The following FAM13A variants were observed in gnomAD, a reference collection of about 807,000 sequenced individuals.
FAM13A encodes the protein protein FAM13A.
FAM13A carries 76 observed loss-of-function variants against 129.6 expected under a neutral mutation model. The ratio of observed to expected loss-of-function variants is 0.59; its 90% CI spans 0.49 to 0.71. FAM13A has a LOEUF of 0.71. Among genes scored for constraint, FAM13A ranks in the 30% least tolerant of loss-of-function variants. The pLI, the probability that FAM13A is intolerant of heterozygous loss-of-function variation, is 0.00. For synonymous variants in FAM13A, 443 were observed against 449.9 expected, an observed-to-expected ratio of 0.98 and a Z score of 0.20; for missense variants, 1,108 against 1,249.3, an observed-to-expected ratio of 0.89 and a Z score of 1.70.
chr4:88,898,125 T>C (rs1170378362), intron 6 of FAM13A, among the ~76,000 whole-genome samples: 9 of 152,172 alleles, frequency 5.9e-5, no homozygotes, highest in East Asian at 1.9e-4. Flanking sequence ...ATGAGAGTAA[T>C]AGAATCACTT....
chr4:89,015,979 CAT>C (rs1356429382), intron 3 of FAM13A, among the ~76,000 whole-genome samples: 5 of 151,780 alleles, frequency 3.3e-5, no homozygotes, highest in Non-Finnish European at 7.4e-5. Flanking sequence ...TACATATACA[CAT>C]GTGTATGTTA....
rs568188366 is a variant in FAM13A at position 88,981,590 on chromosome 4, C to CAGAT, written c.605+9382_605+9383insATCT. ...TGCCTTAGAGCAGATCCTCAAGAAACCCAAAGAAAACAAGGCAATGATGAG... is the reference window on the plus strand; with the variant it reads ...TGCCTTAGAGCAGATCCTCAAGAAACAGATCCAAAGAAAACAAGGCAATGATGAG... On this transcript the variant is annotated intron_variant, in intron 4 of 23. Transcript: ENST00000264344. 4.3e-3 allele frequency among the ~76,000 whole-genome samples: 662 copies of CAGAT among 152,200 alleles called. 9 individuals are homozygous for CAGAT. Among genetic ancestry groups the CAGAT allele is most frequent in the African/African-American group, 0.015 (632 of 41,516 alleles).
intron 6 of FAM13A, chr4:88,856,078 G>C (rs1418493633): frequency 6.6e-6 from 1 of 152,158 alleles, no homozygotes; most frequent in Non-Finnish European, 1.5e-5. Flanking sequence ...AGACAGTATT[G>C]TTAGTAAGTA....
chr4:88,755,910 C>T (rs1320691623), intron 14 of FAM13A, among the ~76,000 whole-genome samples: 2 of 152,218 alleles, frequency 1.3e-5, no homozygotes, highest in Non-Finnish European at 2.9e-5. Context: ...CAGCCGGAGT[C>T]CCTTAAGTAG....
intron 5 of FAM13A, among the ~76,000 whole-genome samples, chr4:88,928,596 T>C (rs1164280042): frequency 6.6e-6 from 1 of 152,172 alleles, no homozygotes; most frequent in Non-Finnish European, 1.5e-5. Context: ...AAGTTTGTTT[T>C]ATCTGATATA....
At position 88,906,388 on chromosome 4, in the gene FAM13A, T is replaced by C. The variant is rs368586718; in HGVS notation, c.834A>G (p.Pro278=). ...AGAAAACATAGTTTACCTTGGTTTT[T>C]GGAGGTGGTTTTGGCATGTCTCTTT... The part of the protein sequence containing the change: ...GLERDMPKPP[P]KTKIPKSRSE... Residue 278 remains proline (P), a synonymous_variant, in exon 6 of 24, where the codon CCA becomes CCG. Transcript: ENST00000264344. The C allele has an allele frequency of 8.1e-6, 13 of 1,609,918 alleles. No individual in the cohort carries two copies. In the South Asian group the frequency reaches 1.4e-4, roughly 18 times the overall value.
intron 3 of FAM13A, among the ~76,000 whole-genome samples, chr4:88,999,715 C>T (rs1437478810): frequency 1.3e-5 from 2 of 152,082 alleles, no homozygotes; most frequent in Non-Finnish European, 2.9e-5. Flanking sequence ...TCTTACCCCT[C>T]CTTTCTCCCC....
At chr4:88,824,886 T>G (rs1041994630) in intron 7 of FAM13A, among the ~76,000 whole-genome samples, 5 of 151,982 alleles carry the variant, frequency 3.3e-5, no homozygotes, top group Non-Finnish European at 7.4e-5. Flanking sequence ...TTTTGTGGTT[T>G]TAGTAGAGAT....
chr4:88,988,948 C>CT (rs1431359835), intron 4 of FAM13A, among the ~76,000 whole-genome samples: 2 of 152,144 alleles, frequency 1.3e-5, no homozygotes, highest in African/African-American at 4.8e-5. Context: ...AGGGTCGGGC[C>CT]TGTAATCCCA....
intron 1 of FAM13A, among the ~76,000 whole-genome samples, chr4:89,037,461 A>T (rs1010917912): frequency 6.6e-6 from 1 of 151,680 alleles, no homozygotes; most frequent in African/African-American, 2.4e-5. Flanking sequence ...GAAGAAACTA[A>T]CTTGGTAAAA....
Position 88,890,521 on chromosome 4 carries a change from T to C in FAM13A, c.843+15858A>G, listed in dbSNP as rs568154524. On this transcript the variant is annotated intron_variant, in intron 6 of 23. Transcript: ENST00000264344. ...TCAGTAGATACAGCAAATACACTCA[T>C]GGAATTGATAATTAAGCTTCAATAT... Among the ~76,000 whole-genome samples, 63 of 152,208 alleles carry C rather than the reference T, an allele frequency of 4.1e-4. No individual in the cohort carries two copies. In the South Asian group the frequency reaches 4.2e-3, roughly 10 times the overall value.
rs753924372 is a variant in FAM13A at position 88,787,950 on chromosome 4, A to T, written c.1092-18T>A. 1 of 1,605,516 alleles carries T rather than the reference A, an allele frequency of 6.2e-7. No homozygotes were observed. Among genetic ancestry groups the T allele is most frequent in the Non-Finnish European group, 8.5e-7 (1 of 1,174,898 alleles). Reference sequence around the variant, plus strand: ...CTAAGAGTCTGGCAAAAAAGAATGCAGAGTCATTCAAGCAGTCAAGTTCAT... The same window carrying T: ...CTAAGAGTCTGGCAAAAAAGAATGCTGAGTCATTCAAGCAGTCAAGTTCAT... On this transcript the variant is annotated intron_variant, in intron 9 of 23. Coordinates refer to ENST00000264344, the MANE Select transcript of FAM13A (RefSeq NM_014883.4).
intron 5 of FAM13A, 110 bp downstream of exon 5, chr4:88,937,978 A>G: frequency 1.3e-6 from 1 of 762,180 alleles, no homozygotes; most frequent in Non-Finnish European, 2.2e-6. Flanking sequence ...TATACACAGG[A>G]ATAATAATCT....
At chr4:88,820,669 T>A (rs554356302) in intron 7 of FAM13A, among the ~76,000 whole-genome samples, 5 of 152,316 alleles carry the variant, frequency 3.3e-5, no homozygotes, top group Admixed American at 2.0e-4. Context: ...GATCAGTGTT[T>A]CTCTACGAGT....
intron 4 of FAM13A, among the ~76,000 whole-genome samples, chr4:88,975,123 CA>C (rs1760726087): frequency 6.6e-6 from 1 of 152,028 alleles, no homozygotes; most frequent in Admixed American, 6.5e-5. Context: ...TCTAAACGCT[CA>C]AAAGAAATTC....
intron 7 of FAM13A, among the ~76,000 whole-genome samples, chr4:88,827,709 C>T (rs1013033781): frequency 6.6e-6 from 1 of 152,148 alleles, no homozygotes; most frequent in Non-Finnish European, 1.5e-5. Flanking sequence ...TGTCATGTTT[C>T]TTTAATCAAT....
At chr4:88,831,450 C>G (rs1212604977) in intron 7 of FAM13A, among the ~76,000 whole-genome samples, 1 of 152,056 alleles carries the variant, frequency 6.6e-6, no homozygotes, top group Non-Finnish European at 1.5e-5. Context: ...GATTCTATGT[C>G]TATAAAACAT....
intron 7 of FAM13A, among the ~76,000 whole-genome samples, chr4:88,814,905 C>T (rs1305371731): frequency 1.3e-5 from 2 of 151,946 alleles, no homozygotes; most frequent in African/African-American, 4.8e-5. Context: ...AGTACAGTGG[C>T]ATGATCATAC....
chr4:89,014,789 G>T (rs1438722429), intron 3 of FAM13A, among the ~76,000 whole-genome samples: 1 of 152,080 alleles, frequency 6.6e-6, no homozygotes, highest in African/African-American at 2.4e-5. Context: ...TCAGGACCCT[G>T]CGATGACTGC....
Sources: allele counts gnomAD v4.1 joint callset (sites outside exome capture counted in the v4.1 genomes callset), GRCh38; gene constraint gnomAD v4.1.1; transcripts MANE v1.5; gene names NCBI Gene and HGNC (gene_info 2026-07-23, HGNC 2026-07-21).